Variants in ZDHHC14 observed in about 807,000 individuals in gnomAD.
The protein encoded by ZDHHC14 is palmitoyltransferase ZDHHC14.
Under a neutral mutation model 47.7 loss-of-function variants are expected in ZDHHC14, and 16 were observed. That is an observed-to-expected ratio of 0.34 (90% CI 0.23 to 0.51). ZDHHC14 has a LOEUF of 0.51. Among genes scored for constraint, ZDHHC14 ranks in the 20% least tolerant of loss-of-function variants. The probability of loss-of-function intolerance (pLI) is 0.97; values close to 1 mark genes in which losing one functional copy is unlikely to be tolerated. For synonymous variants in ZDHHC14, 293 were observed against 278.9 expected (o/e 1.05, Z -0.50); for missense variants, 515 against 662.5 (o/e 0.78, Z 2.44).
intron 4 of ZDHHC14, chr6:157,630,841 C>T (rs1451307158): frequency 1.3e-5 from 2 of 149,890 alleles, no homozygotes; most frequent in African/African-American, 2.5e-5. Flanking sequence ...TCTAGCCACT[C>T]ATATATACTC....
At chr6:157,504,914 G>A (rs920640185) in intron 1 of ZDHHC14, among the ~76,000 whole-genome samples, 5 of 151,862 alleles carry the variant, frequency 3.3e-5, no homozygotes, top group African/African-American at 7.3e-5. Context: ...GGGTTCAAGC[G>A]ATTCTGCTGC....
intron 3 of ZDHHC14, among the ~76,000 whole-genome samples, chr6:157,609,683 A>G (rs369259900): frequency 6.6e-6 from 1 of 152,220 alleles, no homozygotes; most frequent in East Asian, 1.9e-4. Flanking sequence ...GGGGTCACAG[A>G]ATAGGGACCA....
chr6:157,441,552 A>C (rs1246534119), intron 1 of ZDHHC14, among the ~76,000 whole-genome samples: 1 of 152,178 alleles, frequency 6.6e-6, no homozygotes, highest in Non-Finnish European at 1.5e-5. Context: ...GAAAAGAAAA[A>C]ATCTGGCCAG....
At chr6:157,442,682 G>A (rs996831206) in intron 1 of ZDHHC14, among the ~76,000 whole-genome samples, 3 of 152,210 alleles carry the variant, frequency 2.0e-5, no homozygotes, top group Non-Finnish European at 2.9e-5. Context: ...ACGAGGTTAC[G>A]TGCTGTTTTG....
At chr6:157,475,969 A>G (rs1287560983) in intron 1 of ZDHHC14, among the ~76,000 whole-genome samples, 5 of 152,180 alleles carry the variant, frequency 3.3e-5, no homozygotes, top group African/African-American at 9.6e-5. Context: ...CTAAGAGGGA[A>G]GTTTATAGCA....
intron 5 of ZDHHC14, among the ~76,000 whole-genome samples, chr6:157,643,238 T>TA (rs1777342883): frequency 6.6e-6 from 1 of 152,180 alleles, no homozygotes; most frequent in African/African-American, 2.4e-5. Context: ...AGGGTGTGGG[T>TA]AGTGCCAGCA....
At chr6:157,669,367 C>T (rs186887007) in intron 8 of ZDHHC14, among the ~76,000 whole-genome samples, 2 of 152,114 alleles carry the variant, frequency 1.3e-5, no homozygotes, top group African/African-American at 4.8e-5. Flanking sequence ...GGAGAGCCCA[C>T]CTCTCCCCAG....
chr6:157,415,941 A>G (rs1299561608), intron 1 of ZDHHC14, among the ~76,000 whole-genome samples: 1 of 152,170 alleles, frequency 6.6e-6, no homozygotes, highest in Admixed American at 6.5e-5. Flanking sequence ...TCGAACTTGA[A>G]GAAATACCAA....
intron 1 of ZDHHC14, among the ~76,000 whole-genome samples, chr6:157,530,538 G>A (rs1406111271): frequency 6.6e-6 from 1 of 152,186 alleles, no homozygotes; most frequent in Admixed American, 6.5e-5. Context: ...ATGCACTTTT[G>A]AAGCTGTCTT....
chr6:157,619,175 G>A (rs913984711), intron 3 of ZDHHC14, among the ~76,000 whole-genome samples: 3 of 151,622 alleles, frequency 2.0e-5, no homozygotes, highest in Admixed American at 2.0e-4. Flanking sequence ...GAGATCAGGA[G>A]TTCGAGACCA....
At position 157,674,623 on chromosome 6, in the gene ZDHHC14, A is replaced by G. The variant is rs189246775; in HGVS notation, c.*1501A>G. 5 of 152,360 alleles carry G rather than the reference A, an allele frequency of 3.3e-5. No homozygotes were observed. Among genetic ancestry groups the G allele is most frequent in the Admixed American group, 3.3e-4 (5 of 15,308 alleles). The allele number at this position is 152,360 out of a possible 1,614,324, so 9.4% of individuals were successfully genotyped here. ...TATAACCATATGAAAGACAAGACAC[A>G]TTGACCAATGATACAAGTAACCCAA... On this transcript the variant is annotated 3_prime_UTR_variant, in exon 9 of 9. Transcript: ENST00000359775.
intron 1 of ZDHHC14, among the ~76,000 whole-genome samples, chr6:157,501,544 G>A (rs1177278030): frequency 6.6e-6 from 1 of 152,180 alleles, no homozygotes; most frequent in Non-Finnish European, 1.5e-5. Flanking sequence ...TTAAAATGAT[G>A]TCAGCTCTTG....
chr6:157,492,453 G>C (rs553120502), intron 1 of ZDHHC14, among the ~76,000 whole-genome samples: 4 of 145,102 alleles, frequency 2.8e-5, no homozygotes, highest in Non-Finnish European at 5.9e-5. Flanking sequence ...GCGGGAAAGC[G>C]GGAAGGCGGA....
At chr6:157,628,773 C>T (rs113436593) in intron 4 of ZDHHC14, among the ~76,000 whole-genome samples, 19 of 152,186 alleles carry the variant, frequency 1.2e-4, no homozygotes, top group African/African-American at 4.6e-4. Context: ...CTCCTTGATA[C>T]GCACATCCCT....
chr6:157,504,570 C>G lies in ZDHHC14; in HGVS notation c.246-38015C>G, dbSNP rs145577381. On this transcript the variant is annotated intron_variant, in intron 1 of 8. Transcript: ENST00000359775. ...TGGGTTCAAGCACCCACCACCACAC[C>G]TGGCTAATTTTTGTATTTTTAGTAG... is the stretch of plus-strand genomic sequence containing the variant. 6.8e-3 allele frequency among the ~76,000 whole-genome samples: 1,026 copies of G among 150,352 alleles called. 5 individuals are homozygous for G. Among genetic ancestry groups the G allele is most frequent in the Non-Finnish European group, 9.0e-3 (611 of 67,836 alleles).
intron 1 of ZDHHC14, among the ~76,000 whole-genome samples, chr6:157,429,680 G>A (rs184758188): frequency 6.6e-5 from 10 of 152,082 alleles, no homozygotes; most frequent in East Asian, 3.9e-4. Flanking sequence ...AGGGAGATCC[G>A]ATTTTACAGA....
At chr6:157,419,320 G>T (rs1778050038) in intron 1 of ZDHHC14, among the ~76,000 whole-genome samples, 1 of 152,144 alleles carries the variant, frequency 6.6e-6, no homozygotes, top group Non-Finnish European at 1.5e-5. Flanking sequence ...AATGTCATGT[G>T]CCCATCATTA....
chr6:157,612,259 A>G (rs1251636030), intron 3 of ZDHHC14, among the ~76,000 whole-genome samples: 1 of 152,074 alleles, frequency 6.6e-6, no homozygotes, highest in Non-Finnish European at 1.5e-5. Flanking sequence ...TAACTGTGCA[A>G]AGGTCTCTCG....
intron 2 of ZDHHC14, among the ~76,000 whole-genome samples, chr6:157,581,297 TG>T (rs1340935702): frequency 3.9e-5 from 5 of 129,278 alleles, no homozygotes; most frequent in East Asian, 2.6e-4. Flanking sequence ...GTAGTTGGTA[TG>T]TTTTTTTTTT....
Sources: gnomAD v4.1 joint callset for allele counts (sites outside exome capture counted in the v4.1 genomes callset) on GRCh38, gnomAD v4.1.1 for gene constraint, MANE v1.5 for transcripts, NCBI Gene and HGNC (gene_info 2026-07-23, HGNC 2026-07-21) for gene names.